Variants in RANBP17 observed in about 807,000 individuals in gnomAD.
RANBP17 encodes RAN binding protein 17, also known as ran-binding protein 17.
A neutral mutation model predicts 141.2 loss-of-function variants in RANBP17; 158 were observed. The observed-to-expected ratio is 1.12, with a 90% confidence interval of 0.98 to 1.28. The LOEUF (loss-of-function observed/expected upper bound fraction) is 1.28. Ranked by LOEUF, RANBP17 falls within the 50% of genes most tolerant of loss-of-function variation. The pLI is 0.00. For synonymous variants in RANBP17, 430 were observed against 450.0 expected, an observed-to-expected ratio of 0.96 and a Z score of 0.56; for missense variants, 1,438 against 1,290.7, an observed-to-expected ratio of 1.11 and a Z score of -1.75.
chr5:171,124,965 A>G (rs1756322394), intron 14 of RANBP17, among the ~76,000 whole-genome samples: 1 of 152,228 alleles, frequency 6.6e-6, no homozygotes, highest in Non-Finnish European at 1.5e-5. Flanking sequence ...TGCTGCCTAC[A>G]AGTAACTCAC....
chr5:171,099,618 G>T (rs1355056097), intron 14 of RANBP17, among the ~76,000 whole-genome samples: 3 of 152,082 alleles, frequency 2.0e-5, no homozygotes, highest in African/African-American at 7.2e-5. Flanking sequence ...TGGTTGCCCT[G>T]GCCAGAACTT....
chr5:170,966,408 T>C (rs1408827234), intron 13 of RANBP17, among the ~76,000 whole-genome samples: 1 of 152,194 alleles, frequency 6.6e-6, no homozygotes, highest in Non-Finnish European at 1.5e-5. Flanking sequence ...TCAATAAATG[T>C]AATCCAGCAT....
At chr5:171,240,539 CA>C (rs1316870038) in intron 22 of RANBP17, among the ~76,000 whole-genome samples, 1 of 152,112 alleles carries the variant, frequency 6.6e-6, no homozygotes, top group Non-Finnish European at 1.5e-5. Context: ...ACATCTCAGT[CA>C]GGTTATCTTT....
intron 14 of RANBP17, among the ~76,000 whole-genome samples, chr5:171,136,507 A>G (rs1355232333): frequency 1.3e-5 from 2 of 152,072 alleles, no homozygotes; most frequent in Non-Finnish European, 1.5e-5. Context: ...GTAAGATTAT[A>G]TTATAAAGAG....
chr5:170,988,085 T>A (rs1012994217), intron 14 of RANBP17, among the ~76,000 whole-genome samples: 2 of 151,654 alleles, frequency 1.3e-5, no homozygotes, highest in Admixed American at 6.6e-5. Flanking sequence ...TGTGATTACT[T>A]AATAAAATAT....
At chr5:170,913,205 A>G (rs1374453751) in intron 7 of RANBP17, among the ~76,000 whole-genome samples, 5 of 152,046 alleles carry the variant, frequency 3.3e-5, no homozygotes, top group African/African-American at 9.6e-5. Context: ...TTGATGTACA[A>G]GCAAAGAAAG....
chr5:171,053,878 CATATATAT>C (rs58623197), intron 14 of RANBP17, among the ~76,000 whole-genome samples: 2,833 of 17,026 alleles, frequency 0.17, 82 homozygotes, highest in Non-Finnish European at 0.2. Context: ...GTGTTTAGTT[CATATATAT>C]ATATATATAT....
At chr5:170,917,938 T>C (rs1383480102) in intron 9 of RANBP17, among the ~76,000 whole-genome samples, 1 of 152,182 alleles carries the variant, frequency 6.6e-6, no homozygotes, top group Non-Finnish European at 1.5e-5. Context: ...ATTTTCTATA[T>C]ATTTCATGGA....
At chr5:171,105,369 G>A (rs1204351603) in intron 14 of RANBP17, among the ~76,000 whole-genome samples, 68 of 104,340 alleles carry the variant, frequency 6.5e-4, no homozygotes, top group African/African-American at 2.4e-3. Flanking sequence ...GCGACAGAGC[G>A]AGACTCCGTC....
intron 24 of RANBP17, chr5:171,253,061 T>G: frequency 1.1e-6 from 1 of 890,716 alleles, no homozygotes; most frequent in East Asian, 2.4e-5. Flanking sequence ...CAAGCACTGA[T>G]TTTTCAAGAA....
chr5:170,900,516 G>A (rs1473381291), intron 5 of RANBP17, among the ~76,000 whole-genome samples: 2 of 152,038 alleles, frequency 1.3e-5, no homozygotes, highest in Admixed American at 1.3e-4. Flanking sequence ...ATCTCCTTCA[G>A]TTCTGCTCTG....
chr5:171,066,701 TG>T (rs1392797537), intron 14 of RANBP17, among the ~76,000 whole-genome samples: 1 of 152,200 alleles, frequency 6.6e-6, no homozygotes, highest in African/African-American at 2.4e-5. Flanking sequence ...TGAAATTGCT[TG>T]ATCATATGGT....
At chr5:170,903,853 C>T in intron 5 of RANBP17, 1 of 461,020 alleles carries the variant, frequency 2.2e-6, no homozygotes, top group South Asian at 1.9e-5. Flanking sequence ...CTAACAAGCT[C>T]CGCAAGATTT....
chr5:171,241,616 A>G (rs1204911774), intron 23 of RANBP17, among the ~76,000 whole-genome samples: 1 of 152,218 alleles, frequency 6.6e-6, no homozygotes, highest in Admixed American at 6.5e-5. Flanking sequence ...ATTGAAGGAT[A>G]TGTCTGTTAG....
chr5:171,199,475 A>G (rs1319119958), intron 18 of RANBP17, among the ~76,000 whole-genome samples, 195 bp from the exon 19 acceptor site: 1 of 152,212 alleles, frequency 6.6e-6, no homozygotes, highest in African/African-American at 2.4e-5. Flanking sequence ...TAATTTTGCT[A>G]TTTCATTTGA....
intron 14 of RANBP17, among the ~76,000 whole-genome samples, chr5:171,014,731 C>T (rs1221160163): frequency 6.6e-6 from 1 of 151,926 alleles, no homozygotes; most frequent in South Asian, 2.1e-4. Context: ...GTATTTTACT[C>T]AGATAGTTAC....
chr5:171,178,199 G>A (rs1324982795), intron 16 of RANBP17, among the ~76,000 whole-genome samples: 3 of 75,434 alleles, frequency 4.0e-5, no homozygotes, highest in Non-Finnish European at 7.3e-5. Context: ...GGCCCCTGAC[G>A]TGTGATGTTC....
intron 20 of RANBP17, among the ~76,000 whole-genome samples, chr5:171,212,307 T>G (rs1270297033): frequency 6.6e-6 from 1 of 152,158 alleles, no homozygotes; most frequent in Non-Finnish European, 1.5e-5. Context: ...AGAGATATGG[T>G]CATGAGTGCT....
At chr5:171,182,275 G>A (rs1268264215) in intron 16 of RANBP17, among the ~76,000 whole-genome samples, 1 of 152,200 alleles carries the variant, frequency 6.6e-6, no homozygotes, top group Non-Finnish European at 1.5e-5. Context: ...ACATGACTAT[G>A]GTAGAGTAAG....
Sources: allele counts gnomAD v4.1 joint callset (sites outside exome capture counted in the v4.1 genomes callset), GRCh38; gene constraint gnomAD v4.1.1; transcripts MANE v1.5; gene names NCBI Gene and HGNC (gene_info 2026-07-23, HGNC 2026-07-21).